FAM200C: variants seen among roughly 807,000 people sequenced by gnomAD.
At chr5:160,396,473 G>A in the FAM200C span, among the ~76,000 whole-genome samples, 1 of 151,922 alleles carries the variant, frequency 6.6e-6, no homozygotes, top group Non-Finnish European at 1.5e-5. Context: ...CAAAATGGTC[G>A]GGCGTGGTAG....
chr5:160,395,464 A>G, the FAM200C span: 1 of 1,614,076 alleles, frequency 6.2e-7, no homozygotes. Flanking sequence ...GAACATAGTC[A>G]TCATCCCATT....
At chr5:160,396,230 T>G in the FAM200C span, among the ~76,000 whole-genome samples, 3 of 152,120 alleles carry the variant, frequency 2.0e-5, no homozygotes, top group African/African-American at 7.2e-5. Context: ...AGCTACCATT[T>G]ATGAGTGAGA....
At chr5:160,394,992 C>T in the FAM200C span, 3 of 1,613,826 alleles carry the variant, frequency 1.9e-6, no homozygotes, top group Non-Finnish European at 2.5e-6. Flanking sequence ...AGAGGACTGG[C>T]TTTGATATCT....
the FAM200C span, chr5:160,393,815 C>T: frequency 6.2e-7 from 1 of 1,608,060 alleles, no homozygotes; most frequent in Non-Finnish European, 8.5e-7. Flanking sequence ...AAAGCAGCTT[C>T]TGGACTTTGT....
the FAM200C span, chr5:160,393,877 A>G: frequency 6.2e-7 from 1 of 1,614,156 alleles, no homozygotes; most frequent in Admixed American, 1.7e-5. Flanking sequence ...ATGTAGTTGC[A>G]AATGGCATAA....
chr5:160,399,926 CGTCGGAACCA>C, the FAM200C span: 1 of 152,304 alleles, frequency 6.6e-6, no homozygotes, highest in Non-Finnish European at 1.5e-5. Context: ...AGCCTCTGGC[CGTCGGAACCA>C]GTAGAGACGG....
At chr5:160,394,159 T>G in the FAM200C span, 1 of 1,612,580 alleles carries the variant, frequency 6.2e-7, no homozygotes, top group Non-Finnish European at 8.5e-7. Context: ...TTATTTCAGC[T>G]GCAATGAATA....
the FAM200C span, chr5:160,393,895 T>C: frequency 6.2e-7 from 1 of 1,614,144 alleles, no homozygotes; most frequent in South Asian, 1.1e-5. Flanking sequence ...TAAGGATTTC[T>C]AGAGCTGTCT....
the FAM200C span, chr5:160,393,723 G>A: frequency 6.5e-7 from 1 of 1,550,348 alleles, no homozygotes. Flanking sequence ...GACTTCTGCT[G>A]TAGCTGTAGC....
chr5:160,394,988 C>A, the FAM200C span: 1 of 1,613,852 alleles, frequency 6.2e-7, no homozygotes, highest in South Asian at 1.1e-5. Flanking sequence ...TTTAAGAGGA[C>A]TGGCTTTGAT....
chr5:160,395,331 G>A, the FAM200C span: 2 of 1,614,064 alleles, frequency 1.2e-6, no homozygotes, highest in South Asian at 2.2e-5. Context: ...CCACCATGCT[G>A]TCTGTTAAAA....
At chr5:160,394,088 T>C in the FAM200C span, 40 of 1,613,200 alleles carry the variant, frequency 2.5e-5, no homozygotes, top group Non-Finnish European at 3.4e-5. Flanking sequence ...ACTTGCCTCA[T>C]TAAGATCTCC....
chr5:160,396,616 G>C, the FAM200C span, among the ~76,000 whole-genome samples: 1 of 150,924 alleles, frequency 6.6e-6, no homozygotes, highest in South Asian at 2.1e-4. Flanking sequence ...GCTGGGCATG[G>C]TGGCATACGC....
the FAM200C span, chr5:160,393,604 G>T: frequency 1.1e-6 from 1 of 882,926 alleles, no homozygotes; most frequent in Non-Finnish European, 1.7e-6. Context: ...AAGTTTTTTA[G>T]ACATAGAATT....
the FAM200C span, chr5:160,393,813 T>G: frequency 6.2e-7 from 1 of 1,607,388 alleles, no homozygotes; most frequent in Non-Finnish European, 8.5e-7. Context: ...TTAAAGCAGC[T>G]TCTGGACTTT....
At chr5:160,394,257 ACTTC>A in the FAM200C span, 4 of 1,613,408 alleles carry the variant, frequency 2.5e-6, no homozygotes, top group Non-Finnish European at 2.5e-6. Flanking sequence ...CAAAATGGAA[ACTTC>A]CTAACAAAAG....
the FAM200C span, among the ~76,000 whole-genome samples, chr5:160,396,087 T>C: frequency 2.6e-5 from 4 of 152,146 alleles, no homozygotes; most frequent in Non-Finnish European, 5.9e-5. Context: ...TTTTAGGGTA[T>C]CCGTCACCCA....
the FAM200C span, chr5:160,394,842 T>C: frequency 1.7e-5 from 27 of 1,613,510 alleles, no homozygotes; most frequent in Non-Finnish European, 2.0e-5. Context: ...AACACATCTA[T>C]TCCTTTCATG....
At chr5:160,393,760 A>G in the FAM200C span, 9 of 1,558,578 alleles carry the variant, frequency 5.8e-6, no homozygotes, top group African/African-American at 1.1e-4. Context: ...CCGAGAAACG[A>G]GGAACTTTTT....
Sources: gnomAD v4.1 joint callset for allele counts (sites outside exome capture counted in the v4.1 genomes callset) on GRCh38, gnomAD v4.1.1 for gene constraint, MANE v1.5 for transcripts.